HFM1: variants seen among roughly 807,000 people sequenced by gnomAD.
HFM1 encodes helicase for meiosis 1, also known as probable ATP-dependent DNA helicase HFM1.
A neutral mutation model predicts 192.1 loss-of-function variants in HFM1; 169 were observed. The ratio of observed to expected loss-of-function variants is 0.88; its 90% confidence interval spans 0.78 to 1.00. The LOEUF (loss-of-function observed/expected upper bound fraction) is 1.00, where lower values mean the gene tolerates loss of function less well. HFM1 is among the 50% of genes least tolerant of loss of function. The pLI, the probability that HFM1 is intolerant of heterozygous loss-of-function variation, is 0.00. For synonymous variants in HFM1, 525 were observed against 537.8 expected, an observed-to-expected ratio of 0.98 and a Z score of 0.33; for missense variants, 1,661 against 1,668.0, an observed-to-expected ratio of 1.00 and a Z score of 0.07.
intron 1 of HFM1, among the ~76,000 whole-genome samples, chr1:91,401,924 A>G (rs1046442943): frequency 1.3e-5 from 2 of 152,048 alleles, no homozygotes; most frequent in Non-Finnish European, 1.5e-5. Context: ...GATTAAAAAA[A>G]AAAACTAGTC....
chr1:91,263,919 C>G (rs192484364), intron 36 of HFM1, among the ~76,000 whole-genome samples: 1 of 152,058 alleles, frequency 6.6e-6, no homozygotes, highest in African/African-American at 2.4e-5. Flanking sequence ...GTGTGGTGCA[C>G]AAAACTGTTC....
rs1021429086 is a variant in HFM1, at chr1:91,340,250, T to A, written c.2335+3180A>T. ...GTCTCAAACTCCTGGGCTCAAATAA[T>A]CTTCCTGCCTCAGCCTCCCAAAGTG... is the stretch of plus-strand genomic sequence containing the variant. On this transcript the variant is annotated intron_variant, in intron 20 of 38. Transcript: ENST00000370425. Among the ~76,000 whole-genome samples, 21 of 152,162 alleles carry A rather than the reference T, an allele frequency of 1.4e-4. 1 individual carries two copies. Among genetic ancestry groups the A allele is most frequent in the Admixed American group, 1.4e-3 (21 of 15,282 alleles).
chr1:91,403,141 A>G (rs1220214437), intron 1 of HFM1, among the ~76,000 whole-genome samples: 1 of 152,118 alleles, frequency 6.6e-6, no homozygotes, highest in Non-Finnish European at 1.5e-5. Context: ...ACATTATAGT[A>G]TATGCTTAGT....
In HFM1 at chr1:91,299,621, T is replaced by A. The variant is rs549374978; in HGVS notation, c.3391+13728A>T. On this transcript the variant is annotated intron_variant, in intron 30 of 38. Transcript: ENST00000370425. ...AGTGCAATCAAACTAGAACTCAGGA[T>A]TAAGAAATTCACTCAAAACCGCTCA... Among the ~76,000 whole-genome samples the A allele has an allele frequency of 3.6e-3, 554 of 152,274 alleles. 1 individual carries two copies. Among genetic ancestry groups the A allele is most frequent in the African/African-American group, 0.013 (527 of 41,540 alleles).
At position 91,262,523 on chromosome 1, in the gene HFM1, G is replaced by A; in HGVS notation, c.4044C>T (p.Ser1348=). Residue 1348 remains serine (S), a synonymous_variant, in exon 37 of 39, where the codon TCC becomes TCT. Transcript: ENST00000370425. ...CTTGTTGAGGTAATTTTGTCATGGAGGATGCACTGAACTTGGGCATAGCAG... is the reference window on the plus strand; with the variant it reads ...CTTGTTGAGGTAATTTTGTCATGGAAGATGCACTGAACTTGGGCATAGCAG... ...SNSAMPKFSA[S]SMTKLPQQAG... 8 of 1,607,540 alleles carry A rather than the reference G, an allele frequency of 5.0e-6. No individual in the cohort carries two copies. Among genetic ancestry groups the A allele is most frequent in the Non-Finnish European group, 6.8e-6 (8 of 1,175,266 alleles).
At chr1:91,322,777 TA>T (rs1652321367) in intron 23 of HFM1, among the ~76,000 whole-genome samples, 172 bp downstream of exon 23, 1 of 152,198 alleles carries the variant, frequency 6.6e-6, no homozygotes, top group African/African-American at 2.4e-5. Context: ...AAATGTTTGC[TA>T]AGAAAAAGCA....
intron 36 of HFM1, 133 bp from the exon 37 acceptor site, chr1:91,262,725 A>C (rs1665285746): frequency 1.7e-6 from 1 of 586,822 alleles, no homozygotes; most frequent in Non-Finnish European, 3.0e-6. Context: ...CATTGTTTCT[A>C]ATATTCATGG....
At chr1:91,391,209 TC>T (rs1405984338) in intron 4 of HFM1, among the ~76,000 whole-genome samples, 2 of 152,192 alleles carry the variant, frequency 1.3e-5, no homozygotes, top group African/African-American at 4.8e-5. Context: ...GCCATCCCCA[TC>T]AAGCTACCAA....
chr1:91,390,478 G>A (rs1383415524), intron 4 of HFM1, among the ~76,000 whole-genome samples: 2 of 151,190 alleles, frequency 1.3e-5, no homozygotes, highest in Middle Eastern at 3.4e-3. Context: ...AGGAAGGAAG[G>A]AGGGAGGCAG....
At chr1:91,298,754 C>T (rs1279509661) in intron 30 of HFM1, among the ~76,000 whole-genome samples, 1 of 152,084 alleles carries the variant, frequency 6.6e-6, no homozygotes, top group African/African-American at 2.4e-5. Flanking sequence ...TTTTTGTCAC[C>T]ACCAGGCCTG....
chr1:91,286,431 T>C (rs1667978918), intron 30 of HFM1, among the ~76,000 whole-genome samples: 1 of 152,314 alleles, frequency 6.6e-6, no homozygotes, highest in African/African-American at 2.4e-5. Flanking sequence ...ATTTCTTGGC[T>C]TGTGGGAGCA....
chr1:91,319,364 A>G lies in HFM1; in HGVS notation c.2609T>C (p.Ile870Thr). ...TGTCAAAGCAAAATCTTGTATGGGA[A>G]TGCATCCTAGTTGAGCCTGAATAAG... ...NCLIQAQLGCIPIQDFALTQD... is the reference protein window; with the variant it reads ...NCLIQAQLGCTPIQDFALTQD... The change falls in exon 24 of 39, where the codon ATT becomes ACT. Residue 870 changes from isoleucine to threonine, a missense_variant. Ile to Thr is a moderately conservative substitution (Grantham distance 89, BLOSUM62 -1). Coordinates refer to ENST00000370425, the MANE Select transcript of HFM1 (RefSeq NM_001017975.6). 1.2e-6 allele frequency: 2 copies of G among 1,612,530 alleles called. No individual in the cohort carries two copies. The highest frequency in any genetic ancestry group is 2.2e-5 in the South Asian group (2 of 91,070).
intron 21 of HFM1, among the ~76,000 whole-genome samples, chr1:91,324,066 G>A (rs1340731185): frequency 6.6e-6 from 1 of 152,134 alleles, no homozygotes; most frequent in African/African-American, 2.4e-5. Context: ...CAATGCAGTC[G>A]CCATATACCA....
At chr1:91,367,487 C>A (rs905392348) in intron 13 of HFM1, among the ~76,000 whole-genome samples, 3 of 152,294 alleles carry the variant, frequency 2.0e-5, no homozygotes, top group East Asian at 1.9e-4. Context: ...GATACCCAGG[C>A]AAACAGGGTC....
Position 91,316,169 on chromosome 1 carries a change from G to C in HFM1, c.2914C>G (p.Pro972Ala). ...RELELILNRHPPFGTQIKETV... is the reference protein window; with the variant it reads ...RELELILNRHAPFGTQIKETV... The stretch of plus-strand genomic sequence containing the variant: ...TCTTTTATCTGGGTTCCAAAGGGGG[G>C]ATGTCTGTTTAAAATCTAAAAATAT... The change falls in exon 27 of 39, where the codon CCC becomes GCC. Residue 972 changes from proline (P) to alanine (A), a missense_variant. Physicochemically the swap from Pro to Ala is conservative, Grantham distance 27. Transcript: ENST00000370425. The C allele has an allele frequency of 6.4e-7, 1 of 1,574,010 alleles. No individual in the cohort carries two copies. The highest frequency in any genetic ancestry group is 1.4e-5 in the African/African-American group (1 of 73,294).
chr1:91,390,466 G>A (rs1428162798), intron 4 of HFM1, among the ~76,000 whole-genome samples: 1 of 151,236 alleles, frequency 6.6e-6, no homozygotes, highest in Non-Finnish European at 1.5e-5. Flanking sequence ...AGAAAGGAAG[G>A]AAGGAAGGAA....
chr1:91,315,009 T>G (rs1383990938), intron 28 of HFM1, among the ~76,000 whole-genome samples: 2 of 152,192 alleles, frequency 1.3e-5, no homozygotes, highest in African/African-American at 4.8e-5. Context: ...TCACTGCCAT[T>G]CCTGAACTTA....
At chr1:91,270,301 G>T (rs1240807703) in intron 34 of HFM1, among the ~76,000 whole-genome samples, 1 of 152,108 alleles carries the variant, frequency 6.6e-6, no homozygotes, top group Non-Finnish European at 1.5e-5. Context: ...CACTTTAGCA[G>T]CTTAACAAAG....
intron 30 of HFM1, among the ~76,000 whole-genome samples, chr1:91,280,008 AT>A (rs5776093): frequency 1 from 152,151 of 152,336 alleles, 75,983 homozygotes; most frequent in East Asian, 1. Context: ...ATAAAATGTA[AT>A]TTAAGTATGT....
Sources: gnomAD v4.1 joint callset for allele counts (sites outside exome capture counted in the v4.1 genomes callset) on GRCh38, gnomAD v4.1.1 for gene constraint, MANE v1.5 for transcripts, NCBI Gene and HGNC (gene_info 2026-07-23, HGNC 2026-07-21) for gene names.